The following KLHDC4 variants were observed in gnomAD, a reference collection of about 807,000 sequenced individuals.
The protein encoded by KLHDC4 is kelch domain-containing protein 4.
In KLHDC4, 90 loss-of-function variants were observed where a neutral mutation model predicts 62.4. The ratio of observed to expected loss-of-function variants is 1.44; its 90% CI spans 1.22 to 1.72. KLHDC4 has a LOEUF of 1.72. Among genes scored for constraint, KLHDC4 ranks in the 40% most tolerant of loss-of-function variants. KLHDC4 has a pLI of 0.00. For missense variants in KLHDC4, 1,025 were observed against 699.7 expected (o/e 1.47, Z -5.25); for synonymous variants, 386 against 284.4 (o/e 1.36, Z -3.59).
intron 4 of KLHDC4, 126 bp from the exon 5 acceptor site, chr16:87,748,935 C>T: frequency 1.8e-6 from 2 of 1,087,830 alleles, no homozygotes; most frequent in Non-Finnish European, 2.5e-6. Flanking sequence ...CAGCCCCACA[C>T]TCAGCCACTT....
intron 7 of KLHDC4, among the ~76,000 whole-genome samples, chr16:87,723,468 A>G (rs1352489309): frequency 6.6e-6 from 1 of 152,248 alleles, no homozygotes; most frequent in Non-Finnish European, 1.5e-5. Flanking sequence ...GTCCTGCTGC[A>G]CTCTACGACA....
At chr16:87,718,798 G>A (rs998388010) in intron 7 of KLHDC4, among the ~76,000 whole-genome samples, 7 of 151,650 alleles carry the variant, frequency 4.6e-5, no homozygotes, top group Admixed American at 1.3e-4. Flanking sequence ...CTGACCGGCC[G>A]CCCATCGTCT....
chr16:87,712,634 C>T (rs1342498780), intron 8 of KLHDC4, among the ~76,000 whole-genome samples: 1 of 152,272 alleles, frequency 6.6e-6, no homozygotes, highest in East Asian at 1.9e-4. Context: ...TCTGTCCTAT[C>T]AGCCAGGGTG....
chr16:87,719,592 G>C (rs1235035625), intron 7 of KLHDC4, among the ~76,000 whole-genome samples: 2 of 151,360 alleles, frequency 1.3e-5, no homozygotes, highest in Non-Finnish European at 2.9e-5. Flanking sequence ...TTTATCTGCT[G>C]ACCTTCCCTC....
At chr16:87,716,988 T>A (rs1221787540) in intron 7 of KLHDC4, among the ~76,000 whole-genome samples, 1 of 151,742 alleles carries the variant, frequency 6.6e-6, no homozygotes, top group Non-Finnish European at 1.5e-5. Flanking sequence ...TCCCAGCACT[T>A]TGAGAGTCCA....
intron 5 of KLHDC4, among the ~76,000 whole-genome samples, chr16:87,742,821 T>G (rs2042426700): frequency 1.3e-5 from 2 of 152,124 alleles, no homozygotes; most frequent in South Asian, 4.1e-4. Context: ...GTTCTCTAAG[T>G]TCAGAATCAA....
intron 5 of KLHDC4, among the ~76,000 whole-genome samples, chr16:87,732,112 T>C (rs2040486975): frequency 1.3e-5 from 2 of 151,502 alleles, no homozygotes; most frequent in Admixed American, 6.6e-5. Context: ...TTTTTTTTTT[T>C]TTTGAGACAG....
chr16:87,720,317 T>G (rs144590868), intron 7 of KLHDC4, among the ~76,000 whole-genome samples: 4 of 152,140 alleles, frequency 2.6e-5, no homozygotes, highest in Non-Finnish European at 5.9e-5. Context: ...CAGGCAGGGA[T>G]AGGGTGTCGG....
exon 1 of KLHDC4, chr16:87,700,755 A>G (rs1204540449): frequency 1.5e-4 from 20 of 130,526 alleles, no homozygotes; most frequent in East Asian, 6.6e-4. Context: ...GATGCAGGGC[A>G]GAGGGAGGAG....
intron 6 of KLHDC4, among the ~76,000 whole-genome samples, chr16:87,727,174 C>A (rs1240180557): frequency 1.3e-5 from 1 of 78,104 alleles, no homozygotes; most frequent in African/African-American, 6.3e-5. Context: ...GGAGACAGGG[C>A]AACATTTTCA....
chr16:87,712,880 C>G (rs1336161810), intron 8 of KLHDC4, among the ~76,000 whole-genome samples: 1 of 152,226 alleles, frequency 6.6e-6, no homozygotes, highest in African/African-American at 2.4e-5. Context: ...GCCCAGCCCT[C>G]TGGTCCCAAG....
At chr16:87,759,849 A>G (rs1034913832) in intron 2 of KLHDC4, among the ~76,000 whole-genome samples, 1 of 152,168 alleles carries the variant, frequency 6.6e-6, no homozygotes, top group Non-Finnish European at 1.5e-5. Context: ...TTCAGAAACG[A>G]TCTACACGGG....
At chr16:87,734,297 C>G (rs1229573100) in intron 5 of KLHDC4, among the ~76,000 whole-genome samples, 1 of 152,008 alleles carries the variant, frequency 6.6e-6, no homozygotes. Flanking sequence ...TGAGCCGACA[C>G]TGCGCCACTG....
Position 87,730,100 on chromosome 16 carries a change from C to T in KLHDC4, c.599+452G>A, listed in dbSNP as rs575180209. ...TCCTGAGTAGCTGAGATTACAGGCA[C>T]CTGCCACCACGCCTGGCCAATTTTT... On this transcript the variant is annotated intron_variant, in intron 6 of 11. Coordinates refer to ENST00000270583, the MANE Select transcript of KLHDC4 (RefSeq NM_017566.4). Among the ~76,000 whole-genome samples, 3 of 152,268 alleles carry T rather than the reference C, an allele frequency of 2.0e-5. No homozygotes were observed. In the South Asian group the frequency reaches 6.2e-4, roughly 32 times the overall value.
At chr16:87,746,248 C>A (rs2143021192) in intron 5 of KLHDC4, among the ~76,000 whole-genome samples, 1 of 151,440 alleles carries the variant, frequency 6.6e-6, no homozygotes, top group East Asian at 1.9e-4. Context: ...CCAGCCTGGG[C>A]AACAGAGTAA....
chr16:87,734,156 C>T (rs2040874601), intron 5 of KLHDC4, among the ~76,000 whole-genome samples: 1 of 152,162 alleles, frequency 6.6e-6, no homozygotes, highest in Non-Finnish European at 1.5e-5. Context: ...ACCAGCCTCA[C>T]CAACATGGTG....
chr16:87,712,581 A>C (rs2036114815), intron 8 of KLHDC4, among the ~76,000 whole-genome samples: 2 of 152,344 alleles, frequency 1.3e-5, no homozygotes, highest in South Asian at 4.1e-4. Flanking sequence ...ATCCAGGTTC[A>C]AGTTCACTGG....
At chr16:87,731,443 G>A (rs913350883) in intron 5 of KLHDC4, among the ~76,000 whole-genome samples, 3 of 151,796 alleles carry the variant, frequency 2.0e-5, no homozygotes, top group South Asian at 2.1e-4. Flanking sequence ...CAGAAAGTTC[G>A]TAAGATAGAA....
exon 1 of KLHDC4, chr16:87,699,694 C>T (rs2034050821): frequency 6.6e-6 from 1 of 152,324 alleles, no homozygotes; most frequent in Admixed American, 6.5e-5. Flanking sequence ...GTGAGTCTGT[C>T]TCAAAAACAA....
Sources: gnomAD v4.1 joint callset for allele counts (sites outside exome capture counted in the v4.1 genomes callset) on GRCh38, gnomAD v4.1.1 for gene constraint, MANE v1.5 for transcripts, NCBI Gene and HGNC (gene_info 2026-07-23, HGNC 2026-07-21) for gene names.